The following RBL1 variants were observed in gnomAD, a reference collection of about 807,000 sequenced individuals.
RBL1 encodes the protein retinoblastoma-like protein 1.
A neutral mutation model predicts 123.0 loss-of-function variants in RBL1; 82 were observed. That is an observed-to-expected ratio of 0.67 (90% confidence interval 0.56 to 0.80). The LOEUF (loss-of-function observed/expected upper bound fraction) is 0.80. Among genes scored for constraint, RBL1 ranks in the 30% least tolerant of loss-of-function variants. RBL1 has a pLI of 0.00. For synonymous variants in RBL1, 405 were observed against 441.3 expected (o/e 0.92, Z 1.03); for missense variants, 1,171 against 1,299.6 (o/e 0.90, Z 1.52).
intron 19 of RBL1, among the ~76,000 whole-genome samples, chr20:37,013,358 G>T (rs1345051376): frequency 6.6e-6 from 1 of 151,536 alleles, no homozygotes; most frequent in Non-Finnish European, 1.5e-5. Context: ...GGCGGTGCAA[G>T]ATGTGCTTTG....
chr20:37,014,405 C>T (rs1012139241), intron 19 of RBL1, among the ~76,000 whole-genome samples: 5 of 151,940 alleles, frequency 3.3e-5, no homozygotes, highest in Admixed American at 2.0e-4. Context: ...TTCCTGAGTT[C>T]ATTATCACTG....
At chr20:37,071,920 T>C (rs1417811499) in intron 2 of RBL1, among the ~76,000 whole-genome samples, 1 of 152,208 alleles carries the variant, frequency 6.6e-6, no homozygotes, top group African/African-American at 2.4e-5. Flanking sequence ...GCCAGCCCCA[T>C]GCTTCCTATA....
At chr20:37,011,351 T>A (rs1453682730) in intron 19 of RBL1, among the ~76,000 whole-genome samples, 1 of 151,952 alleles carries the variant, frequency 6.6e-6, no homozygotes, top group Non-Finnish European at 1.5e-5. Flanking sequence ...ATCAGGAAAT[T>A]CATTCTCCAC....
At chr20:37,073,515 T>C (rs112846881) in intron 2 of RBL1, among the ~76,000 whole-genome samples, 1,865 of 150,370 alleles carry the variant, frequency 0.012, 45 homozygotes, top group African/African-American at 0.043. Flanking sequence ...CTGGGCAACA[T>C]AGTGGGACCT....
chr20:37,032,842 T>C lies in RBL1; in HGVS notation c.2205A>G (p.Ile735Met), dbSNP rs78413638. 360 of 1,614,036 alleles carry C rather than the reference T, an allele frequency of 2.2e-4. No homozygotes were observed. The African/African-American group carries it at 4.1e-3, about 18-fold the overall frequency. The change falls in exon 16 of 22, where the codon ATA becomes ATG. Residue 735 changes from isoleucine to methionine, a missense_variant. By Grantham distance (10) the Ile-to-Met change is conservative. Coordinates refer to ENST00000373664, the MANE Select transcript of RBL1 (RefSeq NM_002895.5). ...CCTGATTTGTATTCATGGAAAGAGG[T>C]ATCAGTGTGATCTCTCCAGCATCAT... ...VANDAGEITLIPLSMNTNQES... is the reference protein window; with the variant it reads ...VANDAGEITLMPLSMNTNQES...
chr20:37,023,606 C>T lies in RBL1; in HGVS notation c.2383-780G>A, dbSNP rs145297151. The stretch of plus-strand genomic sequence containing the variant: ...ACACTTTTTAGGAGCACAATGGGAA[C>T]GAAACAGGAATGTTAAAATAAGTAA... On this transcript the variant is annotated intron_variant, in intron 16 of 21. Coordinates refer to ENST00000373664, the MANE Select transcript of RBL1 (RefSeq NM_002895.5). Among the ~76,000 whole-genome samples, 745 of 151,716 alleles carry T rather than the reference C, an allele frequency of 4.9e-3. 7 individuals carry two copies. The highest frequency in any genetic ancestry group is 0.017 in the African/African-American group (703 of 41,350).
chr20:37,050,571 A>AAAG (rs2064892383), intron 11 of RBL1, among the ~76,000 whole-genome samples: 3 of 147,040 alleles, frequency 2.0e-5, no homozygotes, highest in Admixed American at 1.4e-4. Context: ...AAAAAAAAAA[A>AAAG]GGTACAATAA....
At chr20:36,999,002 G>GT (rs2063921184) in intron 21 of RBL1, 73 bp from the exon 22 acceptor site, 2 of 1,415,132 alleles carry the variant, frequency 1.4e-6, no homozygotes, top group South Asian at 1.3e-5. Context: ...CAAGCTAATT[G>GT]TTTTTTCCTG....
chr20:37,078,139 C>T (rs954016101), intron 2 of RBL1, among the ~76,000 whole-genome samples: 3 of 152,138 alleles, frequency 2.0e-5, no homozygotes, highest in East Asian at 3.8e-4. Flanking sequence ...AGAGTATTAC[C>T]TAAGTGATGT....
intron 2 of RBL1, among the ~76,000 whole-genome samples, chr20:37,087,002 G>A (rs1196187527): frequency 1.3e-5 from 2 of 152,126 alleles, no homozygotes; most frequent in African/African-American, 4.8e-5. Flanking sequence ...CTAATCAAAA[G>A]TTAATAGGAG....
intron 20 of RBL1, 108 bp from the exon 21 acceptor site, chr20:37,003,974 A>T: frequency 1.0e-6 from 1 of 971,126 alleles, no homozygotes; most frequent in Non-Finnish European, 1.4e-6. Context: ...GTTATACTGT[A>T]AAAAGCTCAT....
intron 19 of RBL1, among the ~76,000 whole-genome samples, chr20:37,012,593 GC>G (rs1306447655): frequency 7.0e-6 from 1 of 143,590 alleles, no homozygotes; most frequent in African/African-American, 2.9e-5. Context: ...CTGCCCAGCC[GC>G]CCCGTCTGAG....
chr20:37,056,985 AT>A (rs1568864468), intron 9 of RBL1, among the ~76,000 whole-genome samples: 1 of 140,384 alleles, frequency 7.1e-6, no homozygotes, highest in African/African-American at 2.7e-5. Context: ...TCATATCTCT[AT>A]TTCTTTCTAT....
At position 37,066,987 on chromosome 20, in the gene RBL1, T is replaced by C; in HGVS notation, c.685+6A>G. The C allele has an allele frequency of 3.1e-6, 5 of 1,591,802 alleles. No homozygotes were observed. Among genetic ancestry groups the C allele is most frequent in the African/African-American group, 1.4e-5 (1 of 73,686 alleles). The stretch of plus-strand genomic sequence containing the variant: ...TCAGTTTTCAAAAATAAATAAAAGG[T>C]CTTACCTTTAAATGATGGATTTAGC... On this transcript the variant is annotated splice_donor_region_variant and intron_variant, in intron 5 of 21. Transcript: ENST00000373664.
intron 11 of RBL1, among the ~76,000 whole-genome samples, chr20:37,050,575 AC>A (rs2064892786): frequency 6.9e-6 from 1 of 144,646 alleles, no homozygotes; most frequent in African/African-American, 2.5e-5. Context: ...AAAAAAAGGT[AC>A]AATAAAAGAG....
At chr20:37,033,139 C>G (rs1568841346) in intron 15 of RBL1, among the ~76,000 whole-genome samples, 2 of 150,944 alleles carry the variant, frequency 1.3e-5, no homozygotes, top group Non-Finnish European at 2.9e-5. Flanking sequence ...CATTTCAACC[C>G]CCGCAAATAG....
chr20:37,084,834 C>T (rs1334450306), intron 2 of RBL1, among the ~76,000 whole-genome samples: 3 of 152,170 alleles, frequency 2.0e-5, no homozygotes, highest in Admixed American at 6.5e-5. Flanking sequence ...AGCACAATCT[C>T]GGCTCACTGC....
intron 2 of RBL1, among the ~76,000 whole-genome samples, chr20:37,075,612 CA>C (rs1361692202): frequency 6.6e-6 from 1 of 152,116 alleles, no homozygotes; most frequent in Non-Finnish European, 1.5e-5. Context: ...CATGCCACCA[CA>C]CCTGACTAAT....
rs55780842 is a variant in RBL1 at position 37,086,698 on chromosome 20, T to C, written c.290+2291A>G. Among the ~76,000 whole-genome samples the C allele has an allele frequency of 4.6e-3, 704 of 152,290 alleles. 4 individuals are homozygous for C. Among genetic ancestry groups the C allele is most frequent in the South Asian group, 0.012 (60 of 4,830 alleles). Reference sequence around the variant, plus strand: ...ATAGTTTTGTCCCAGAAACAAAGAATATTAGCATGAATCCAAACTGGATAG... The same window carrying C: ...ATAGTTTTGTCCCAGAAACAAAGAACATTAGCATGAATCCAAACTGGATAG... On this transcript the variant is annotated intron_variant, in intron 2 of 21. Transcript: ENST00000373664.
Sources: gnomAD v4.1 joint callset for allele counts (sites outside exome capture counted in the v4.1 genomes callset) on GRCh38, gnomAD v4.1.1 for gene constraint, MANE v1.5 for transcripts, NCBI Gene and HGNC (gene_info 2026-07-23, HGNC 2026-07-21) for gene names.